FOCAD: variants seen among roughly 807,000 people sequenced by gnomAD.
The protein encoded by FOCAD is KIAA1797.
In FOCAD, 198 loss-of-function variants were observed where a neutral mutation model predicts 225.6. The observed-to-expected ratio is 0.88, with a 90% CI of 0.78 to 0.99. FOCAD has a LOEUF of 0.99. FOCAD is among the 50% of genes least tolerant of loss of function. FOCAD has a pLI of 0.00. For missense variants in FOCAD, 2,713 were observed against 2,123.6 expected, an observed-to-expected ratio of 1.28 and a Z score of -5.46; for synonymous variants, 897 against 755.0, an observed-to-expected ratio of 1.19 and a Z score of -3.08.
chr9:20,825,627 T>G (rs557677881), intron 15 of FOCAD, among the ~76,000 whole-genome samples: 1 of 152,226 alleles, frequency 6.6e-6, no homozygotes, highest in South Asian at 2.1e-4. Context: ...TACCCAGAAT[T>G]GGATTTTGTA....
chr9:20,733,941 CAGTGAGCTAT>C (rs1826924476), intron 4 of FOCAD, among the ~76,000 whole-genome samples: 1 of 152,150 alleles, frequency 6.6e-6, no homozygotes, highest in Admixed American at 6.5e-5. Flanking sequence ...GTCGAGGCTG[CAGTGAGCTAT>C]AGTGAGCTAT....
rs1439437052 is a variant in FOCAD, at chr9:20,981,450, A to T, written c.4402A>T (p.Ile1468Leu). 7.4e-6 allele frequency: 12 copies of T among 1,614,024 alleles called. No individual in the cohort carries two copies. The highest frequency in any genetic ancestry group is 1.0e-5 in the Non-Finnish European group (12 of 1,179,988). Residue 1468 changes from isoleucine to leucine, a missense_variant, in exon 38 of 44, where the codon ATA becomes TTA. By Grantham distance (5) the Ile-to-Leu change is conservative. Transcript: ENST00000338382. ...GCTGAATACCAAGAGATATCTCCTG[A>T]TATCTGCACCTCTGTGGATAAAACA... is the stretch of plus-strand genomic sequence containing the variant. ...LSLNTKRYLLISAPLWIKHIS... is the reference protein window; with the variant it reads ...LSLNTKRYLLLSAPLWIKHIS...
chr9:20,778,534 T>C, intron 8 of FOCAD, 147 bp from the exon 9 acceptor site: 1 of 516,138 alleles, frequency 1.9e-6, no homozygotes, highest in Non-Finnish European at 3.5e-6. Context: ...AATTCTTTCT[T>C]TAGTAGAGCA....
At chr9:20,973,433 G>C (rs1408337121) in intron 35 of FOCAD, among the ~76,000 whole-genome samples, 1 of 133,180 alleles carries the variant, frequency 7.5e-6, no homozygotes, top group Non-Finnish European at 1.5e-5. Context: ...TTTAGCATCT[G>C]CTAATTTGGT....
At chr9:20,858,593 G>A (rs981128642) in intron 15 of FOCAD, among the ~76,000 whole-genome samples, 4 of 151,848 alleles carry the variant, frequency 2.6e-5, no homozygotes, top group Non-Finnish European at 5.9e-5. Flanking sequence ...TTCAGTGTTC[G>A]TTTATTTCTG....
intron 28 of FOCAD, among the ~76,000 whole-genome samples, chr9:20,937,173 A>G (rs913800287): frequency 1.3e-5 from 2 of 150,616 alleles, no homozygotes; most frequent in Non-Finnish European, 3.0e-5. Flanking sequence ...TTACAGATTC[A>G]ATGCCATCCC....
chr9:20,863,905 T>C (rs1384416579), intron 16 of FOCAD, among the ~76,000 whole-genome samples: 1 of 152,114 alleles, frequency 6.6e-6, no homozygotes, highest in East Asian at 1.9e-4. Context: ...TGGTTTTTTG[T>C]GTTGGCTTAT....
intron 21 of FOCAD, among the ~76,000 whole-genome samples, chr9:20,889,444 A>G (rs866867383): frequency 1.3e-5 from 2 of 152,158 alleles, no homozygotes; most frequent in African/African-American, 4.8e-5. Flanking sequence ...TTTTTAGCTT[A>G]GGTCCATTTG....
chr9:20,826,445 G>A (rs1017826463), intron 15 of FOCAD, among the ~76,000 whole-genome samples: 4 of 152,034 alleles, frequency 2.6e-5, no homozygotes, highest in East Asian at 3.9e-4. Context: ...TTTTGGCCAC[G>A]GATGAAGGCT....
At chr9:20,674,941 T>C (rs990601618) in intron 2 of FOCAD, among the ~76,000 whole-genome samples, 2 of 152,136 alleles carry the variant, frequency 1.3e-5, no homozygotes, top group Admixed American at 6.5e-5. Context: ...CAGGGTGAGA[T>C]GGGGTAGAGT....
intron 1 of FOCAD, among the ~76,000 whole-genome samples, chr9:20,705,286 C>T (rs755554787): frequency 6.6e-6 from 1 of 152,148 alleles, no homozygotes; most frequent in Non-Finnish European, 1.5e-5. Context: ...CCTGTTTCAT[C>T]TATCAGTCTT....
At chr9:20,656,792 C>G (rs536447690), upstream of FOCAD, among the ~76,000 whole-genome samples, 1 of 152,044 alleles carries the variant, frequency 6.6e-6, no homozygotes, top group Non-Finnish European at 1.5e-5. Flanking sequence ...AAGTTAATAG[C>G]GTTATGTGTG....
At chr9:20,865,676 A>G (rs1360886974) in intron 16 of FOCAD, among the ~76,000 whole-genome samples, 1 of 152,132 alleles carries the variant, frequency 6.6e-6, no homozygotes, top group African/African-American at 2.4e-5. Context: ...GACTAAGAGT[A>G]AGAAATGGTT....
At chr9:20,748,004 G>C (rs17832135) in intron 5 of FOCAD, among the ~76,000 whole-genome samples, 9 of 151,404 alleles carry the variant, frequency 5.9e-5, no homozygotes, top group Non-Finnish European at 8.8e-5. Flanking sequence ...AAAAATCGAC[G>C]ATCAGCTATT....
chr9:20,773,620 A>G (rs1818453906), intron 8 of FOCAD, among the ~76,000 whole-genome samples: 1 of 152,204 alleles, frequency 6.6e-6, no homozygotes, highest in African/African-American at 2.4e-5. Flanking sequence ...TCAGACTTCT[A>G]TAGTAACTAC....
chr9:20,670,602 C>T (rs149759732), intron 2 of FOCAD, among the ~76,000 whole-genome samples: 1 of 152,220 alleles, frequency 6.6e-6, no homozygotes, highest in Admixed American at 6.5e-5. Flanking sequence ...AAACCACCAC[C>T]CTCATAATCC....
Position 20,781,725 on chromosome 9 carries a change from A to G in FOCAD, c.995-2A>G, listed in dbSNP as rs1015477329. The G allele has an allele frequency of 6.2e-7, 1 of 1,612,828 alleles. No individual in the cohort carries two copies. Among genetic ancestry groups the G allele is most frequent in the African/African-American group, 1.3e-5 (1 of 74,906 alleles). On this transcript the variant is annotated splice_acceptor_variant, in intron 9 of 43. Transcript: ENST00000338382. LOFTEE classifies it high-confidence loss of function. ...AATGTGCATTATTGTTTTGATGAAT[A>G]GCTTTGAAGCTCCTCTCTGTTACTG...
At chr9:20,861,494 G>A (rs1346236072) in intron 15 of FOCAD, among the ~76,000 whole-genome samples, 1 of 152,326 alleles carries the variant, frequency 6.6e-6, no homozygotes, top group East Asian at 1.9e-4. Flanking sequence ...AAATCAAAGA[G>A]CATTTATTAT....
chr9:20,820,977 G>A lies in FOCAD; in HGVS notation c.1699G>A (p.Val567Met), dbSNP rs1165538415. 1 of 1,612,774 alleles carries A rather than the reference G, an allele frequency of 6.2e-7. No homozygotes were observed. The highest frequency in any genetic ancestry group is 1.7e-5 in the Admixed American group (1 of 59,924). Residue 567 changes from valine to methionine, a missense_variant, in exon 14 of 44, where the codon GTG becomes ATG. By Grantham distance (21) the Val-to-Met change is conservative (BLOSUM62 1). Transcript: ENST00000338382. ...VYPELQRFMA[V>M]SDVPSLSVGK... ...TCCTGAACTGCAGCGTTTCATGGCTGTGTCTGATGTACCTTCTCTTTCGGT... is the reference window on the plus strand; with the variant it reads ...TCCTGAACTGCAGCGTTTCATGGCTATGTCTGATGTACCTTCTCTTTCGGT...
Sources: allele counts gnomAD v4.1 joint callset (sites outside exome capture counted in the v4.1 genomes callset), GRCh38; gene constraint gnomAD v4.1.1; transcripts MANE v1.5; gene names NCBI Gene and HGNC (gene_info 2026-07-23, HGNC 2026-07-21).